Variants in TCF4 observed in about 807,000 individuals in gnomAD.
The protein encoded by TCF4 is transcription factor 4.
A neutral mutation model predicts 82.1 loss-of-function variants in TCF4; 3 were observed. That is an observed-to-expected ratio of 0.04 (90% CI 0.02 to 0.09). The LOEUF (loss-of-function observed/expected upper bound fraction) is 0.09. TCF4 is among the 10% of genes least tolerant of loss of function. The pLI is 1.00. For synonymous variants in TCF4, 276 were observed against 309.6 expected (o/e 0.89, Z 1.14); for missense variants, 518 against 852.7 (o/e 0.61, Z 4.89).
At chr18:55,520,164 A>T (rs2096921036) in intron 3 of TCF4, among the ~76,000 whole-genome samples, 1 of 152,234 alleles carries the variant, frequency 6.6e-6, no homozygotes, top group Non-Finnish European at 1.5e-5. Flanking sequence ...GTTCAATATA[A>T]GGCCAATGAT....
intron 5 of TCF4, among the ~76,000 whole-genome samples, chr18:55,457,539 G>A (rs895240049): frequency 6.6e-6 from 1 of 152,036 alleles, no homozygotes; most frequent in Non-Finnish European, 1.5e-5. Flanking sequence ...AGGTTGGGGT[G>A]CAATGGCATG....
intron 6 of TCF4, among the ~76,000 whole-genome samples, chr18:55,361,305 C>G (rs2085122575): frequency 6.6e-6 from 1 of 152,078 alleles, no homozygotes; most frequent in Admixed American, 6.6e-5. Flanking sequence ...TCCCAGCCCT[C>G]TCTTTCCTCT....
At chr18:55,341,953 G>A (rs2080071762) in intron 8 of TCF4, among the ~76,000 whole-genome samples, 1 of 152,176 alleles carries the variant, frequency 6.6e-6, no homozygotes, top group Admixed American at 6.5e-5. Context: ...AAGAATCTCA[G>A]TTGAAAAGCT....
chr18:55,460,978 G>A (rs2095859116), intron 5 of TCF4, 41 bp downstream of exon 5: 1 of 1,558,006 alleles, frequency 6.4e-7, no homozygotes, highest in Non-Finnish European at 8.8e-7. Context: ...AGTAAAACTT[G>A]AGCATTCAAA....
intron 8 of TCF4, among the ~76,000 whole-genome samples, chr18:55,313,677 T>C (rs2073253596): frequency 6.6e-6 from 1 of 152,108 alleles, no homozygotes; most frequent in Non-Finnish European, 1.5e-5. Flanking sequence ...AGAATTATAA[T>C]AACAAACAAT....
chr18:55,233,860 A>T (rs1005154549), intron 16 of TCF4, among the ~76,000 whole-genome samples: 1 of 151,908 alleles, frequency 6.6e-6, no homozygotes, highest in Non-Finnish European at 1.5e-5. Context: ...TATTATTCAT[A>T]AAAAATGGGC....
intron 3 of TCF4, among the ~76,000 whole-genome samples, chr18:55,496,934 A>C (rs2096644129): frequency 6.6e-6 from 1 of 151,804 alleles, no homozygotes; most frequent in Non-Finnish European, 1.5e-5. Context: ...CCACAAGAGA[A>C]TATATGGAGG....
chr18:55,632,986 T>C (rs1242316916), intron 1 of TCF4, among the ~76,000 whole-genome samples: 1 of 152,158 alleles, frequency 6.6e-6, no homozygotes, highest in Non-Finnish European at 1.5e-5. Context: ...CAGGCTGTGG[T>C]TGTATATTTG....
chr18:55,251,746 GT>G (rs1192791129), intron 15 of TCF4, among the ~76,000 whole-genome samples: 1 of 152,196 alleles, frequency 6.6e-6, no homozygotes, highest in Non-Finnish European at 1.5e-5. Flanking sequence ...AAGGTGTGTA[GT>G]TGGGAATGAG....
chr18:55,367,319 C>G (rs2087467622), intron 6 of TCF4, among the ~76,000 whole-genome samples: 1 of 152,204 alleles, frequency 6.6e-6, no homozygotes, highest in African/African-American at 2.4e-5. Context: ...CTTTCTCCAT[C>G]CCAACACACA....
intron 5 of TCF4, among the ~76,000 whole-genome samples, chr18:55,413,996 T>C (rs899981452): frequency 5.3e-5 from 8 of 152,076 alleles, no homozygotes; most frequent in African/African-American, 1.7e-4. Flanking sequence ...AGAGTTTAGA[T>C]GACTAAATAC....
At chr18:55,485,650 A>G (rs2096503050) in intron 3 of TCF4, among the ~76,000 whole-genome samples, 3 of 152,238 alleles carry the variant, frequency 2.0e-5, no homozygotes, top group Admixed American at 6.5e-5. Context: ...TAATGGCTAC[A>G]AAAGGTAACT....
intron 3 of TCF4, among the ~76,000 whole-genome samples, chr18:55,487,456 G>C (rs2096529341): frequency 6.6e-6 from 1 of 152,192 alleles, no homozygotes; most frequent in Admixed American, 6.5e-5. Context: ...AGGGCTCAAT[G>C]AACATTTGTC....
At chr18:55,603,880 C>T (rs998052108) in intron 2 of TCF4, among the ~76,000 whole-genome samples, 9 of 152,152 alleles carry the variant, frequency 5.9e-5, no homozygotes, top group Non-Finnish European at 1.0e-4. Flanking sequence ...AACAATTTCT[C>T]CGAGCTCTGG....
chr18:55,348,297 T>C (rs1242029310), intron 8 of TCF4, among the ~76,000 whole-genome samples: 1 of 152,122 alleles, frequency 6.6e-6, no homozygotes, highest in African/African-American at 2.4e-5. Flanking sequence ...GCTCAAAAAA[T>C]TGCAATAAAA....
chr18:55,379,621 T>G (rs559444745), intron 6 of TCF4, among the ~76,000 whole-genome samples: 52 of 152,302 alleles, frequency 3.4e-4, no homozygotes, highest in Admixed American at 2.0e-4. Flanking sequence ...TTTCAGTTTT[T>G]GGGGTTTTTT....
intron 5 of TCF4, among the ~76,000 whole-genome samples, chr18:55,439,922 C>T (rs1383078346): frequency 3.3e-5 from 5 of 152,124 alleles, no homozygotes; most frequent in Admixed American, 3.3e-4. Flanking sequence ...CGGGGTTTCA[C>T]CATGTTGGCC....
At chr18:55,561,224 A>G (rs1300165491) in intron 3 of TCF4, among the ~76,000 whole-genome samples, 1 of 152,182 alleles carries the variant, frequency 6.6e-6, no homozygotes, top group Non-Finnish European at 1.5e-5. Context: ...CTCTACTCCA[A>G]TGATACAGAT....
Position 55,403,573 on chromosome 18 carries a change from C to A in TCF4, c.305-55G>T, listed in dbSNP as rs756579968. On this transcript the variant is annotated intron_variant, in intron 5 of 19. Transcript: ENST00000354452. ...ATTGTGTTTTTCCTTAAAAAAAAAT[C>A]TCCTCCAGGTAACAGACATCTACTG... 1.2e-5 allele frequency: 19 copies of A among 1,613,594 alleles called. No homozygotes were observed. In the African/African-American group the frequency reaches 2.1e-4, roughly 18 times the overall value.
Sources: allele counts gnomAD v4.1 joint callset (sites outside exome capture counted in the v4.1 genomes callset), GRCh38; gene constraint gnomAD v4.1.1; transcripts MANE v1.5; gene names NCBI Gene and HGNC (gene_info 2026-07-23, HGNC 2026-07-21).